ZNF469: variants seen among roughly 807,000 people sequenced by gnomAD.
ZNF469 encodes the protein zinc finger protein 469.
A neutral mutation model predicts 1.0 loss-of-function variants in ZNF469; 1 was observed. The ratio of observed to expected loss-of-function variants is 1.00; its 90% CI spans 0.35 to 4.73. The LOEUF is 4.73. Ranked by LOEUF, ZNF469 falls within the 30% of genes most tolerant of loss-of-function variation. ZNF469 has a pLI of 0.16. For missense variants in ZNF469, 6,100 were observed against 5,356.3 expected, an observed-to-expected ratio of 1.14 and a Z score of -4.33; for synonymous variants, 2,703 against 2,363.4, an observed-to-expected ratio of 1.14 and a Z score of -4.17.
the ZNF469 span, among the ~76,000 whole-genome samples, chr16:88,170,584 C>A: frequency 6.6e-6 from 1 of 152,182 alleles, no homozygotes; most frequent in African/African-American, 2.4e-5. This position sits in a 1 kb window ranked among gnomAD's most constrained non-coding sequence, Gnocchi z 4.2. Context: ...CGTCCTCCAG[C>A]CTCCTCCACG....
the ZNF469 span, among the ~76,000 whole-genome samples, chr16:88,141,626 C>T: frequency 4.6e-5 from 7 of 152,212 alleles, 2 homozygotes; most frequent in Admixed American, 4.6e-4. Context: ...AGGGCCTGTG[C>T]AGATGGGACT....
At chr16:88,115,119 C>G in the ZNF469 span, among the ~76,000 whole-genome samples, 1 of 152,158 alleles carries the variant, frequency 6.6e-6, no homozygotes, top group Non-Finnish European at 1.5e-5. Context: ...ACCATGCTGC[C>G]TGGTCTGTGC....
the ZNF469 span, among the ~76,000 whole-genome samples, chr16:88,371,884 A>G: frequency 0.014 from 2,170 of 151,178 alleles, 56 homozygotes; most frequent in East Asian, 0.078. Context: ...CACCATCACC[A>G]TTATCACCAT....
chr16:88,414,090 G>C (rs1030435983), intron 1 of ZNF469, among the ~76,000 whole-genome samples: 3 of 152,212 alleles, frequency 2.0e-5, no homozygotes, highest in Admixed American at 2.0e-4. Flanking sequence ...ACAGCTGGAG[G>C]CTGCAGGCCC....
At chr16:88,251,452 C>CT in the ZNF469 span, among the ~76,000 whole-genome samples, 9 of 143,146 alleles carry the variant, frequency 6.3e-5, no homozygotes, top group Non-Finnish European at 1.3e-4. Flanking sequence ...AAGATTGTTG[C>CT]TTTTTTTGTT....
the ZNF469 span, among the ~76,000 whole-genome samples, chr16:88,283,045 C>A: frequency 1.3e-5 from 2 of 152,138 alleles, no homozygotes; most frequent in African/African-American, 4.8e-5. Context: ...TTGGCAAACC[C>A]AGGAGAAAGT....
chr16:88,334,901 G>A, the ZNF469 span, among the ~76,000 whole-genome samples: 2 of 151,918 alleles, frequency 1.3e-5, no homozygotes, highest in East Asian at 3.9e-4. Flanking sequence ...AACGACACAT[G>A]TGTGACAGAG....
rs1906534597 is a variant in ZNF469, at chr16:88,435,872, G to A, written c.8402G>A (p.Gly2801Asp). Residue 2801 changes from glycine to aspartate, a missense_variant, in exon 3 of 3, where the codon GGT (glycine) becomes GAT (aspartate). Gly to Asp is a moderately conservative substitution (Grantham distance 94). Coordinates refer to ENST00000565624, the MANE Select transcript of ZNF469 (RefSeq NM_001367624.2). Reference protein sequence around the residue: ...EENTPPLGPLGFPETSSSPAD... With the variant: ...EENTPPLGPLDFPETSSSPAD... The stretch of plus-strand genomic sequence containing the variant: ...AACACGCCCCCCTTGGGCCCCCTGG[G>A]TTTTCCCGAGACTTCCAGCTCTCCG... 1 of 1,550,222 alleles carries A rather than the reference G, an allele frequency of 6.5e-7. No individual in the cohort carries two copies. The highest frequency in any genetic ancestry group is 1.2e-5 in the South Asian group (1 of 84,066).
At chr16:88,215,778 T>G in the ZNF469 span, among the ~76,000 whole-genome samples, 1 of 152,154 alleles carries the variant, frequency 6.6e-6, no homozygotes, top group Non-Finnish European at 1.5e-5. Flanking sequence ...ACCTTAGCGA[T>G]TAAAACAGGT....
rs201852633 is a variant in ZNF469, at chr16:88,395,461, A to G, written c.-192+12207A>G. On this transcript the variant is annotated intron_variant, in intron 1 of 2. Coordinates refer to ENST00000565624, the MANE Select transcript of ZNF469 (RefSeq NM_001367624.2). ...GTATACTTATGTAACATTGTATGTT[A>G]CACGTATTGTATAAATAATATATAA... 5.3e-5 allele frequency among the ~76,000 whole-genome samples: 8 copies of G among 152,286 alleles called. No homozygotes were observed. In the East Asian group the frequency reaches 1.3e-3, roughly 26 times the overall value.
the ZNF469 span, among the ~76,000 whole-genome samples, chr16:88,332,410 C>A: frequency 2.0e-5 from 3 of 152,232 alleles, no homozygotes; most frequent in African/African-American, 7.2e-5. Flanking sequence ...CGTGCCCTGC[C>A]CCCTCTGTGC....
the ZNF469 span, among the ~76,000 whole-genome samples, chr16:88,325,096 G>A: frequency 5.3e-5 from 8 of 152,210 alleles, no homozygotes; most frequent in East Asian, 1.2e-3. Flanking sequence ...ACATCCAGCT[G>A]CGGCATACTC....
chr16:88,397,012 C>CCTGAAGGGAGGCCGGGAGGAGACCCTT (rs1904701779), intron 1 of ZNF469, among the ~76,000 whole-genome samples: 2 of 149,076 alleles, frequency 1.3e-5, no homozygotes, highest in Non-Finnish European at 3.0e-5. Flanking sequence ...AGGAGACCCT[C>CCTGAAGGGAGGCCGGGAGGAGACCCTT]CTGAAGGGAG....
At chr16:88,168,982 G>A in the ZNF469 span, among the ~76,000 whole-genome samples, 1 of 152,166 alleles carries the variant, frequency 6.6e-6, no homozygotes, top group Non-Finnish European at 1.5e-5. This position sits in a 1 kb window ranked among gnomAD's most constrained non-coding sequence, Gnocchi z 4.3. Context: ...GCCTCCTCGT[G>A]TGTGGTAGGG....
At chr16:88,110,566 T>C in the ZNF469 span, among the ~76,000 whole-genome samples, 4 of 152,342 alleles carry the variant, frequency 2.6e-5, no homozygotes, top group East Asian at 5.8e-4. Context: ...TGGTGCAGCC[T>C]CCTGACTTCA....
chr16:88,291,195 G>T, the ZNF469 span, among the ~76,000 whole-genome samples: 1 of 152,198 alleles, frequency 6.6e-6, no homozygotes, highest in Non-Finnish European at 1.5e-5. Context: ...TGGACCCTGA[G>T]ATTTCTCCAG....
At chr16:88,397,066 T>G (rs62048991) in intron 1 of ZNF469, among the ~76,000 whole-genome samples, 1 of 134,410 alleles carries the variant, frequency 7.4e-6, no homozygotes, top group Non-Finnish European at 1.7e-5. Context: ...AGGAGACCCT[T>G]CTGAAGGGAG....
chr16:88,429,463 C>G lies in ZNF469; in HGVS notation c.1993C>G (p.Pro665Ala). Reference protein sequence around the residue: ...HSLPTHYQPEPAKAFPFPADG... With the variant: ...HSLPTHYQPEAAKAFPFPADG... ...CCTCCCCACCCACTACCAGCCAGAG[C>G]CAGCCAAGGCCTTCCCTTTTCCCGC... The change falls in exon 3 of 3, where the codon CCA (proline) becomes GCA (alanine). Residue 665 changes from proline to alanine, a missense_variant. Physicochemically the swap from Pro to Ala is conservative, Grantham distance 27. Transcript: ENST00000565624. 1 of 1,549,142 alleles carries G rather than the reference C, an allele frequency of 6.5e-7. No individual in the cohort carries two copies. The highest frequency in any genetic ancestry group is 8.7e-7 in the Non-Finnish European group (1 of 1,146,446).
At chr16:88,267,239 G>C in the ZNF469 span, among the ~76,000 whole-genome samples, 1 of 152,178 alleles carries the variant, frequency 6.6e-6, no homozygotes, top group Non-Finnish European at 1.5e-5. Context: ...GCTCCTGACC[G>C]TGGCTGCCAT....
Sources: allele counts gnomAD v4.1 joint callset (sites outside exome capture counted in the v4.1 genomes callset), GRCh38; gene constraint gnomAD v4.1.1; non-coding constraint Gnocchi (gnomAD v3.1); transcripts MANE v1.5; gene names NCBI Gene and HGNC (gene_info 2026-07-23, HGNC 2026-07-21).